NTN1: variants seen among roughly 807,000 people sequenced by gnomAD.
The protein encoded by NTN1 is netrin 1, also known as netrin-1.
In NTN1, 11 loss-of-function variants were observed where a neutral mutation model predicts 54.2. That is an observed-to-expected ratio of 0.20 (90% CI 0.13 to 0.34). NTN1 has a LOEUF of 0.34. Ranked by LOEUF, NTN1 falls within the 10% of genes least tolerant of loss-of-function variation. The pLI, the probability that NTN1 is intolerant of heterozygous loss-of-function variation, is 1.00. For missense variants in NTN1, 740 were observed against 893.1 expected (o/e 0.83, Z 2.18); for synonymous variants, 371 against 382.0 (o/e 0.97, Z 0.33).
chr17:9,038,213 C>T (rs2091909169), intron 2 of NTN1, among the ~76,000 whole-genome samples: 1 of 131,188 alleles, frequency 7.6e-6, no homozygotes, highest in Non-Finnish European at 1.7e-5. Context: ...ATCGGACTCT[C>T]TCTCTCTGTG....
intron 2 of NTN1, among the ~76,000 whole-genome samples, chr17:9,101,442 G>A (rs1255304391): frequency 2.0e-5 from 3 of 152,176 alleles, no homozygotes; most frequent in Admixed American, 6.6e-5. Flanking sequence ...TGTATTTATG[G>A]TATTGTTGGC....
intron 5 of NTN1, among the ~76,000 whole-genome samples, chr17:9,207,751 A>G (rs975914837): frequency 2.6e-5 from 4 of 152,172 alleles, no homozygotes; most frequent in African/African-American, 7.2e-5. Flanking sequence ...CTAACACCCC[A>G]CACCCCATAG....
At chr17:9,195,605 G>A (rs187636296) in intron 5 of NTN1, among the ~76,000 whole-genome samples, 2 of 152,274 alleles carry the variant, frequency 1.3e-5, no homozygotes, top group African/African-American at 4.8e-5. Context: ...CCCCCAGGTG[G>A]CCCAGGCTCA....
At chr17:9,151,674 T>A (rs2092327964) in intron 2 of NTN1, among the ~76,000 whole-genome samples, 1 of 151,820 alleles carries the variant, frequency 6.6e-6, no homozygotes. Context: ...TTAAGAGAGG[T>A]GTATGGGCTC....
At position 9,221,147 on chromosome 17, in the gene NTN1, T is replaced by TC. The variant is rs113893303; in HGVS notation, c.1412-13dup. 0.071 allele frequency: 92,760 copies of TC among 1,301,948 alleles called. 5,294 individuals are homozygous for TC. Among genetic ancestry groups the TC allele is most frequent in the African/African-American group, 0.29 (16,714 of 57,794 alleles). The allele number at this position is 1,301,948 out of a possible 1,614,324, so 80.6% of individuals were successfully genotyped here. ...CAGCCTAATTAGTTTTTGTCTGTGC[T>TC]CCCCCCCCACCCCCCTGCAGACTGC... On this transcript the variant is annotated intron_variant, in intron 5 of 6. Transcript: ENST00000173229. The surrounding 1 kb of genome is among the most constrained non-coding windows in gnomAD (Gnocchi z 4.5).
intron 2 of NTN1, among the ~76,000 whole-genome samples, chr17:9,031,489 T>C (rs2091888259): frequency 1.3e-5 from 2 of 152,202 alleles, no homozygotes; most frequent in African/African-American, 4.8e-5. Flanking sequence ...TATAACTCCT[T>C]AGGCAGAATT....
chr17:9,035,839 TATTGAA>T (rs1161161448), intron 2 of NTN1, among the ~76,000 whole-genome samples: 1 of 152,074 alleles, frequency 6.6e-6, no homozygotes, highest in Non-Finnish European at 1.5e-5. Flanking sequence ...CTGGCCAACA[TATTGAA>T]ACCCCATCTC....
intron 2 of NTN1, among the ~76,000 whole-genome samples, chr17:9,122,256 G>T (rs1039078284): frequency 6.6e-6 from 1 of 152,032 alleles, no homozygotes; most frequent in Non-Finnish European, 1.5e-5. Flanking sequence ...GGATGGTCTC[G>T]ATCTCCTGAC....
At chr17:9,110,259 T>G (rs949967993) in intron 2 of NTN1, among the ~76,000 whole-genome samples, 7 of 135,588 alleles carry the variant, frequency 5.2e-5, no homozygotes, top group African/African-American at 8.3e-5. Context: ...CTCCTTCCCC[T>G]ACCTCCTGCC....
chr17:9,227,373 ATCACACAC>A (rs1425200497), intron 6 of NTN1, among the ~76,000 whole-genome samples: 208 of 65,270 alleles, frequency 3.2e-3, no homozygotes, highest in African/African-American at 0.013. Context: ...TACACACACC[ATCACACAC>A]CACACACTAT....
At chr17:9,117,613 G>A (rs369323382) in intron 2 of NTN1, among the ~76,000 whole-genome samples, 3 of 152,038 alleles carry the variant, frequency 2.0e-5, no homozygotes, top group East Asian at 3.9e-4. Context: ...GTGTGGTGGT[G>A]CACACCTGTA....
intron 2 of NTN1, among the ~76,000 whole-genome samples, chr17:9,117,771 C>CAAAAAAAAAAAAAAAAAAACAAA (rs11414930): frequency 7.9e-6 from 1 of 126,784 alleles, no homozygotes; most frequent in African/African-American, 3.0e-5. Context: ...ACAAAAAAAC[C>CAAAAAAAAAAAAAAAAAAACAAA]AAAAAAAAAA....
chr17:9,102,144 C>G (rs1376493321), intron 2 of NTN1, among the ~76,000 whole-genome samples: 1 of 152,208 alleles, frequency 6.6e-6, no homozygotes, highest in Non-Finnish European at 1.5e-5. Context: ...AAATACTCTG[C>G]TGGCAGGAGT....
intron 2 of NTN1, among the ~76,000 whole-genome samples, chr17:9,084,645 G>GTTTTTTTTTT (rs35003160): frequency 1.2e-5 from 1 of 83,318 alleles, no homozygotes; most frequent in Non-Finnish European, 2.4e-5. Flanking sequence ...GTTCTTTGCA[G>GTTTTTTTTTT]TTTTTTTTTT....
chr17:9,191,797 G>C (rs901637929), intron 5 of NTN1, among the ~76,000 whole-genome samples: 10 of 150,706 alleles, frequency 6.6e-5, no homozygotes, highest in South Asian at 4.2e-4. Flanking sequence ...GGAGGCCAAC[G>C]GGGGAGGATC....
At chr17:9,063,119 G>A (rs557576349) in intron 2 of NTN1, among the ~76,000 whole-genome samples, 44 of 145,772 alleles carry the variant, frequency 3.0e-4, no homozygotes, top group Admixed American at 1.8e-3. Context: ...TTTTTTTGAC[G>A]GAGTTTTGCT....
chr17:9,217,902 G>A (rs1222984677), intron 5 of NTN1, among the ~76,000 whole-genome samples: 1 of 151,012 alleles, frequency 6.6e-6, no homozygotes, highest in African/African-American at 2.4e-5. Flanking sequence ...AATGCTCAGA[G>A]GGTGATGTCA....
intron 2 of NTN1, among the ~76,000 whole-genome samples, chr17:9,129,372 G>C (rs955774527): frequency 6.6e-6 from 1 of 152,248 alleles, no homozygotes; most frequent in Non-Finnish European, 1.5e-5. Context: ...AGCTGGAGCG[G>C]CTGAGCTGCT....
intron 5 of NTN1, among the ~76,000 whole-genome samples, chr17:9,215,250 T>TAC (rs58245153): frequency 0.35 from 48,827 of 138,058 alleles, 7,957 homozygotes; most frequent in Admixed American, 0.44. Flanking sequence ...GCTAGATAGA[T>TAC]ACACACACAC....
Sources: allele counts gnomAD v4.1 joint callset (sites outside exome capture counted in the v4.1 genomes callset), GRCh38; gene constraint gnomAD v4.1.1; non-coding constraint Gnocchi (gnomAD v3.1); transcripts MANE v1.5; gene names NCBI Gene and HGNC (gene_info 2026-07-23, HGNC 2026-07-21).